TNRC6C: variants seen among roughly 807,000 people sequenced by gnomAD.
TNRC6C encodes the protein trinucleotide repeat-containing gene 6C protein.
TNRC6C carries 20 observed loss-of-function variants against 153.7 expected under a neutral mutation model. The observed-to-expected ratio is 0.13, with a 90% CI of 0.09 to 0.19. TNRC6C has a LOEUF of 0.19. TNRC6C is among the 10% of genes least tolerant of loss of function. The pLI is 1.00. For synonymous variants in TNRC6C, 811 were observed against 841.4 expected (o/e 0.96, Z 0.63); for missense variants, 1,987 against 2,172.0 (o/e 0.91, Z 1.69).
chr17:78,108,324 G>A (rs535618375), exon 20 of TNRC6C: 62 of 154,712 alleles, frequency 4.0e-4, no homozygotes, highest in African/African-American at 1.4e-3. Flanking sequence ...GAGAAGGAAA[G>A]CATTGAGTGG....
At chr17:77,989,437 T>C (rs760480969) in intron 1 of TNRC6C, among the ~76,000 whole-genome samples, 12 of 152,240 alleles carry the variant, frequency 7.9e-5, no homozygotes, top group Admixed American at 2.0e-4. Context: ...AACTGTCATA[T>C]ACATTCAGGG....
chr17:78,102,454 GT>G lies in TNRC6C; in HGVS notation c.4502-18del. 1 of 1,600,046 alleles carries G rather than the reference GT, an allele frequency of 6.2e-7. No individual in the cohort carries two copies. Among genetic ancestry groups the G allele is most frequent in the Non-Finnish European group, 8.5e-7 (1 of 1,173,370 alleles). On this transcript the variant is annotated intron_variant, in intron 17 of 19. Coordinates refer to ENST00000301624, the Ensembl canonical transcript of TNRC6C. ...ACTGGCACGGGGCCTTGTCAACCAG[GT>G]TCTCCCCTCTTGTTGCAGGTTCTGC...
chr17:77,962,240 T>A (rs1216320926), intron 1 of TNRC6C, among the ~76,000 whole-genome samples: 1 of 152,212 alleles, frequency 6.6e-6, no homozygotes, highest in Non-Finnish European at 1.5e-5. Context: ...AACAACCTTT[T>A]AAGATTGAAA....
At chr17:78,046,770 T>C (rs2072420351) in intron 2 of TNRC6C, among the ~76,000 whole-genome samples, 1 of 152,224 alleles carries the variant, frequency 6.6e-6, no homozygotes, top group Admixed American at 6.5e-5. Flanking sequence ...ATAAGGGATC[T>C]ACTTTCATTT....
chr17:78,011,831 A>T (rs1466013013), intron 1 of TNRC6C, among the ~76,000 whole-genome samples: 1 of 152,228 alleles, frequency 6.6e-6, no homozygotes, highest in African/African-American at 2.4e-5. Flanking sequence ...GGTCATCTTC[A>T]TAATTTTAGC....
At chr17:78,042,451 G>A (rs557949831) in intron 2 of TNRC6C, among the ~76,000 whole-genome samples, 16 of 152,236 alleles carry the variant, frequency 1.1e-4, no homozygotes, top group Middle Eastern at 3.4e-3. Context: ...CTAAGCCGAC[G>A]TGTATGGAAA....
chr17:78,042,985 C>CA (rs566679047), intron 2 of TNRC6C, among the ~76,000 whole-genome samples: 261 of 152,116 alleles, frequency 1.7e-3, no homozygotes, highest in African/African-American at 5.9e-3. Flanking sequence ...GCCTACCCTT[C>CA]AAAAAAGAGC....
At chr17:78,022,893 A>G (rs2071862178) in intron 1 of TNRC6C, among the ~76,000 whole-genome samples, 1 of 152,176 alleles carries the variant, frequency 6.6e-6, no homozygotes, top group Non-Finnish European at 1.5e-5. Flanking sequence ...ACATGTGCAG[A>G]CCTTTTTTTC....
chr17:78,004,012 T>C (rs558105645), upstream of TNRC6C: 1 of 713,604 alleles, frequency 1.4e-6, no homozygotes, highest in East Asian at 1.3e-4. Flanking sequence ...CAACCTGCAG[T>C]GCTGTTAGGG....
At chr17:78,063,017 G>A (rs186395216) in intron 3 of TNRC6C, among the ~76,000 whole-genome samples, 155 of 152,060 alleles carry the variant, frequency 1.0e-3, no homozygotes, top group African/African-American at 3.4e-3. Flanking sequence ...AGGCTGAAGC[G>A]GGGGGATCAC....
chr17:78,051,323 G>A (rs945247249), exon 3 of TNRC6C: 2 of 1,551,558 alleles, frequency 1.3e-6, no homozygotes, highest in African/African-American at 2.7e-5. Context: ...GTCATCCAGA[G>A]CAGTACCACG....
upstream of TNRC6C, among the ~76,000 whole-genome samples, chr17:78,000,050 T>G (rs535582523): frequency 3.9e-4 from 59 of 152,348 alleles, no homozygotes; most frequent in African/African-American, 1.4e-3. Flanking sequence ...CAACTTCTGG[T>G]CCTGTTGGTC....
chr17:77,959,993 A>T (rs7219338), intron 1 of TNRC6C, among the ~76,000 whole-genome samples: 19,384 of 152,112 alleles, frequency 0.13, 2,567 homozygotes, highest in African/African-American at 0.34. Context: ...ATAACTGGCA[A>T]GCATGTTACA....
chr17:77,986,522 T>G (rs1325565849), intron 1 of TNRC6C, among the ~76,000 whole-genome samples: 1 of 152,202 alleles, frequency 6.6e-6, no homozygotes, highest in Non-Finnish European at 1.5e-5. Flanking sequence ...TTTCAGTTAA[T>G]TTGTATGTTT....
intron 13 of TNRC6C, among the ~76,000 whole-genome samples, chr17:78,091,186 T>C (rs2073386642): frequency 6.6e-6 from 1 of 152,148 alleles, no homozygotes; most frequent in South Asian, 2.1e-4. Context: ...CTAAAAGTTA[T>C]AGTTAAAATA....
intron 1 of TNRC6C, among the ~76,000 whole-genome samples, chr17:77,997,954 G>A (rs1386446581): frequency 1.3e-5 from 2 of 152,080 alleles, no homozygotes; most frequent in Admixed American, 6.5e-5. Flanking sequence ...GCGCCTGGCC[G>A]ACAACCATTT....
chr17:78,076,028 C>T (rs1378413499), intron 8 of TNRC6C, among the ~76,000 whole-genome samples: 6 of 151,684 alleles, frequency 4.0e-5, no homozygotes, highest in Non-Finnish European at 1.5e-5. Flanking sequence ...ACCAGCCTGG[C>T]CAACATGGTG....
At chr17:78,086,646 G>A (rs1343266139) in intron 12 of TNRC6C, 60 bp downstream of exon 14, 23 of 1,559,942 alleles carry the variant, frequency 1.5e-5, no homozygotes, top group Admixed American at 1.0e-4. Context: ...TAGAAGAGAC[G>A]CTAATTGATG....
chr17:78,051,113 C>T lies in TNRC6C; in HGVS notation c.2051C>T (p.Ser684Phe). Residue 684 changes from serine (S) to phenylalanine (F), a missense_variant, in exon 3 of 20, where the codon TCT (serine) becomes TTT (phenylalanine). Transcript: ENST00000301624. Reference sequence around the variant, plus strand: ...GTGAGTAACTGGGGAGGAGCTGCTTCTGTGAAACAGACAGGAACAGGGTGG... The same window carrying T: ...GTGAGTAACTGGGGAGGAGCTGCTTTTGTGAAACAGACAGGAACAGGGTGG... 6.3e-7 allele frequency: 1 copy of T among 1,588,202 alleles called. No homozygotes were observed. Among genetic ancestry groups the T allele is most frequent in the Non-Finnish European group, 8.6e-7 (1 of 1,166,370 alleles).
Sources: allele counts gnomAD v4.1 joint callset (sites outside exome capture counted in the v4.1 genomes callset), GRCh38; gene constraint gnomAD v4.1.1; transcripts MANE v1.5; gene names NCBI Gene and HGNC (gene_info 2026-07-23, HGNC 2026-07-21).